The following TMEM132C variants were observed in gnomAD, a reference collection of about 807,000 sequenced individuals.
The protein encoded by TMEM132C is protein phosphatase 1, regulatory subunit 152.
In TMEM132C, 29 loss-of-function variants were observed where a neutral mutation model predicts 61.4. That is an observed-to-expected ratio of 0.47 (90% CI 0.35 to 0.64). TMEM132C has a LOEUF of 0.64. TMEM132C is among the 30% of genes least tolerant of loss of function. The pLI, the probability that TMEM132C is intolerant of heterozygous loss-of-function variation, is 0.00. For missense variants in TMEM132C, 1,408 were observed against 1,476.9 expected (o/e 0.95, Z 0.76); for synonymous variants, 656 against 633.1 (o/e 1.04, Z -0.54).
chr12:128,587,947 A>G (rs919789562), intron 3 of TMEM132C, among the ~76,000 whole-genome samples: 7 of 152,342 alleles, frequency 4.6e-5, no homozygotes, highest in Non-Finnish European at 1.0e-4. Flanking sequence ...GAGCTTAAGG[A>G]TAATAGTAAT....
In TMEM132C at chr12:128,622,357, AAAAATATATATATATATAT is replaced by A. The variant is rs1329988291; in HGVS notation, c.1305+6024_1305+6042del. On this transcript the variant is annotated intron_variant, in intron 4 of 8. Coordinates refer to ENST00000435159, the MANE Select transcript of TMEM132C (RefSeq NM_001136103.3). ...AGACTTTGTCTCAAAAAAAAAAAAA[AAAAATATATATATATATAT>A]ATATATATATATATATATATATATA... Among the ~76,000 whole-genome samples the A allele has an allele frequency of 4.6e-3, 277 of 60,268 alleles. 17 individuals are homozygous for A. The highest frequency in any genetic ancestry group is 0.025 in the African/African-American group (258 of 10,280). The allele number at this position is 60,268 out of a possible 152,430, so 39.5% of individuals were successfully genotyped here.
intron 7 of TMEM132C, 56 bp from the exon 8 acceptor site, chr12:128,697,168 G>A: frequency 2.1e-6 from 3 of 1,420,140 alleles, no homozygotes; most frequent in African/African-American, 1.4e-5. Context: ...TGGTAAAGGG[G>A]ATAACATCTG....
intron 2 of TMEM132C, among the ~76,000 whole-genome samples, chr12:128,476,469 G>A (rs1407149613): frequency 6.6e-6 from 1 of 152,180 alleles, no homozygotes; most frequent in Non-Finnish European, 1.5e-5. Context: ...TTCTCACGTG[G>A]CTTGCAGCTG....
At chr12:128,526,007 G>A (rs1873073243) in intron 2 of TMEM132C, among the ~76,000 whole-genome samples, 1 of 152,238 alleles carries the variant, frequency 6.6e-6, no homozygotes, top group African/African-American at 2.4e-5. Flanking sequence ...CACAGAATGT[G>A]CTCTCTGCAG....
intron 2 of TMEM132C, among the ~76,000 whole-genome samples, chr12:128,537,823 T>C (rs189693271): frequency 6.6e-6 from 1 of 152,356 alleles, no homozygotes; most frequent in Admixed American, 6.5e-5. Context: ...ACCTGGTTAA[T>C]AGTAATATGC....
intron 5 of TMEM132C, among the ~76,000 whole-genome samples, chr12:128,679,900 A>C (rs2135639704): frequency 6.6e-6 from 1 of 152,312 alleles, no homozygotes; most frequent in African/African-American, 2.4e-5. Context: ...GTCAACCATC[A>C]TGGAAGCTTC....
In TMEM132C at chr12:128,654,968, G is replaced by A. The variant is rs7966916; in HGVS notation, c.1306-14449G>A. On this transcript the variant is annotated intron_variant, in intron 4 of 8. Transcript: ENST00000435159. ...CCTCTGTCCCCTGCCCTGCCACCTC[G>A]GGGTCTCCCTGCTCCTACCGAATCT... is the stretch of plus-strand genomic sequence containing the variant. Among the ~76,000 whole-genome samples the A allele has an allele frequency of 5.8e-3, 886 of 152,272 alleles. 8 individuals are homozygous for A. Among genetic ancestry groups the A allele is most frequent in the African/African-American group, 0.02 (829 of 41,562 alleles).
chr12:128,271,583 A>G (rs990037898), intron 1 of TMEM132C, among the ~76,000 whole-genome samples: 4 of 152,176 alleles, frequency 2.6e-5, no homozygotes, highest in South Asian at 2.1e-4. Flanking sequence ...GAGTCTGCCA[A>G]TCTTGGGTGT....
intron 5 of TMEM132C, among the ~76,000 whole-genome samples, chr12:128,683,706 C>T (rs1237064304): frequency 1.3e-5 from 2 of 152,214 alleles, no homozygotes; most frequent in Admixed American, 1.3e-4. Context: ...GTGGCTCACG[C>T]CTGTAATCCT....
At chr12:128,291,429 A>G (rs548540791) in intron 1 of TMEM132C, among the ~76,000 whole-genome samples, 2 of 152,298 alleles carry the variant, frequency 1.3e-5, no homozygotes, top group African/African-American at 4.8e-5. Flanking sequence ...GCTGATACTG[A>G]GGGGCTGAGC....
At chr12:128,445,625 G>A (rs1869955799) in intron 2 of TMEM132C, among the ~76,000 whole-genome samples, 1 of 152,180 alleles carries the variant, frequency 6.6e-6, no homozygotes, top group Non-Finnish European at 1.5e-5. Context: ...TCTCTGCTGA[G>A]CACCCAGGCG....
chr12:128,341,995 A>C (rs1593017748), intron 1 of TMEM132C, among the ~76,000 whole-genome samples: 1 of 147,380 alleles, frequency 6.8e-6, no homozygotes. Context: ...CTAAAAGTTC[A>C]CCTGGCCACA....
At chr12:128,459,368 A>G (rs1041275094) in intron 2 of TMEM132C, among the ~76,000 whole-genome samples, 1 of 152,174 alleles carries the variant, frequency 6.6e-6, no homozygotes, top group Admixed American at 6.5e-5. Flanking sequence ...GAGGGCCTGA[A>G]TGAGCTCACT....
At chr12:128,291,073 C>T (rs968547663) in intron 1 of TMEM132C, among the ~76,000 whole-genome samples, 4 of 152,132 alleles carry the variant, frequency 2.6e-5, no homozygotes, top group Non-Finnish European at 4.4e-5. Flanking sequence ...AGGTGAGGTC[C>T]TGCAGCTCTT....
chr12:128,351,165 A>C (rs933514757), intron 1 of TMEM132C, among the ~76,000 whole-genome samples: 5 of 152,140 alleles, frequency 3.3e-5, no homozygotes, highest in African/African-American at 1.2e-4. Flanking sequence ...AGGACTTTAC[A>C]GTTTATTTGA....
At chr12:128,469,156 AT>A (rs1328002664) in intron 2 of TMEM132C, among the ~76,000 whole-genome samples, 2 of 152,152 alleles carry the variant, frequency 1.3e-5, no homozygotes, top group Non-Finnish European at 2.9e-5. Flanking sequence ...TGATTTCCTA[AT>A]TCTGTCTTGG....
chr12:128,657,656 T>C (rs1220780537), intron 4 of TMEM132C, among the ~76,000 whole-genome samples: 1 of 152,192 alleles, frequency 6.6e-6, no homozygotes, highest in Non-Finnish European at 1.5e-5. Flanking sequence ...TGTGTCTGCA[T>C]GTGTGGCTCA....
chr12:128,282,216 G>A (rs929270022), intron 1 of TMEM132C, among the ~76,000 whole-genome samples: 1 of 152,164 alleles, frequency 6.6e-6, no homozygotes, highest in South Asian at 2.1e-4. Flanking sequence ...AAAAGCACAA[G>A]ATAACATCAA....
rs1413161694 is a variant in TMEM132C, at chr12:128,342,031, TG to T, written c.86-72699del. Among the ~76,000 whole-genome samples, 3 of 151,400 alleles carry T rather than the reference TG, an allele frequency of 2.0e-5. No individual in the cohort carries two copies. In the South Asian group the frequency reaches 6.3e-4, roughly 32 times the overall value. On this transcript the variant is annotated intron_variant, in intron 1 of 8. Transcript: ENST00000435159. The stretch of plus-strand genomic sequence containing the variant: ...CTTCTTTTTTTTTTTTTCTTTGAGA[TG>T]GAGTCTCGCTCTGTCGCCTATGCTG...
Sources: gnomAD v4.1 joint callset for allele counts (sites outside exome capture counted in the v4.1 genomes callset) on GRCh38, gnomAD v4.1.1 for gene constraint, MANE v1.5 for transcripts, NCBI Gene and HGNC (gene_info 2026-07-23, HGNC 2026-07-21) for gene names.